Variants in MORC3 observed in about 807,000 individuals in gnomAD.
MORC3 encodes MORC family CW-type zinc finger protein 3.
MORC3 carries 31 observed loss-of-function variants against 109.1 expected under a neutral mutation model. The ratio of observed to expected loss-of-function variants is 0.28; its 90% confidence interval spans 0.21 to 0.38. The LOEUF (loss-of-function observed/expected upper bound fraction) is 0.38. Among genes scored for constraint, MORC3 ranks in the 10% least tolerant of loss-of-function variants. MORC3 has a pLI of 1.00. For missense variants in MORC3, 867 were observed against 1,135.8 expected (o/e 0.76, Z 3.40); for synonymous variants, 395 against 380.7 (o/e 1.04, Z -0.44).
intron 5 of MORC3, 34 bp downstream of exon 5, chr21:36,338,955 A>G (rs1304417196): frequency 6.2e-7 from 1 of 1,606,924 alleles, no homozygotes; most frequent in South Asian, 1.1e-5. Flanking sequence ...CCGTTTGGGA[A>G]GTAAAGTGCA....
intron 12 of MORC3, among the ~76,000 whole-genome samples, chr21:36,360,479 G>A (rs1348521778): frequency 6.6e-6 from 1 of 152,204 alleles, no homozygotes; most frequent in Non-Finnish European, 1.5e-5. Context: ...GATGTTTTGT[G>A]TAAGAGCAGT....
chr21:36,374,856 G>C (rs1170061405), intron 16 of MORC3, among the ~76,000 whole-genome samples: 3 of 152,096 alleles, frequency 2.0e-5, no homozygotes, highest in Non-Finnish European at 4.4e-5. Flanking sequence ...GTTTTTAGTA[G>C]AGTCAGGGTT....
chr21:36,351,042 AC>A (rs2085564738), intron 9 of MORC3, among the ~76,000 whole-genome samples: 1 of 147,240 alleles, frequency 6.8e-6, no homozygotes, highest in Admixed American at 6.8e-5. Context: ...GTTATTGTTA[AC>A]TACGGTTGTC....
intron 8 of MORC3, among the ~76,000 whole-genome samples, 161 bp from the exon 9 acceptor site, chr21:36,349,150 T>A (rs920537128): frequency 1.3e-5 from 2 of 151,710 alleles, no homozygotes; most frequent in African/African-American, 4.8e-5. Flanking sequence ...CAAATGAGAC[T>A]CTGTCTCAAA....
intron 2 of MORC3, among the ~76,000 whole-genome samples, chr21:36,333,932 G>A (rs932119528): frequency 1.3e-5 from 2 of 151,750 alleles, no homozygotes; most frequent in Non-Finnish European, 2.9e-5. Context: ...ACAGGCACCT[G>A]CCACCACGAC....
At position 36,369,396 on chromosome 21, in the gene MORC3, A is replaced by G. The variant is rs1254173475; in HGVS notation, c.2028A>G (p.Ala676=). ...TGCCCTCCTGTGTAGAAGCTGAAGC[A>G]AAGATACATGAAACCCAGGAAACCA... The part of the protein sequence containing the change: ...VILPSCVEAE[A]KIHETQETTD... Residue 676 remains alanine, a synonymous_variant, in exon 15 of 17, where the codon GCA becomes GCG. Transcript: ENST00000400485. The G allele has an allele frequency of 3.7e-6, 6 of 1,614,116 alleles. No individual in the cohort carries two copies. In the African/African-American group the frequency reaches 8.0e-5, roughly 22 times the overall value.
At chr21:36,371,127 C>T (rs1227226341) in intron 15 of MORC3, among the ~76,000 whole-genome samples, 1 of 152,116 alleles carries the variant, frequency 6.6e-6, no homozygotes, top group Non-Finnish European at 1.5e-5. Context: ...TTCATATGCC[C>T]CTACTTCAAA....
In MORC3 at chr21:36,355,577, T is replaced by G. The variant is rs577775589; in HGVS notation, c.1104-1043T>G. ...TCCGTTCTTGGACTTAAATCCTGGT[T>G]TATGCTCCTCTTTTTTGCTAATAAG... is the stretch of plus-strand genomic sequence containing the variant. On this transcript the variant is annotated intron_variant, in intron 9 of 16. Transcript: ENST00000400485. Among the ~76,000 whole-genome samples the G allele has an allele frequency of 5.5e-4, 84 of 152,168 alleles. 1 individual carries two copies. The highest frequency in any genetic ancestry group is 1.1e-3 in the Non-Finnish European group (73 of 68,038).
At chr21:36,324,106 C>T (rs1408695195) in intron 1 of MORC3, among the ~76,000 whole-genome samples, 1 of 152,102 alleles carries the variant, frequency 6.6e-6, no homozygotes, top group Non-Finnish European at 1.5e-5. Context: ...AACTTCCGAC[C>T]TCAGGTAATC....
intron 5 of MORC3, among the ~76,000 whole-genome samples, chr21:36,340,706 G>A (rs903085564): frequency 4.2e-5 from 6 of 141,636 alleles, no homozygotes; most frequent in Admixed American, 1.6e-4. Flanking sequence ...GCGCCATCTC[G>A]GCTCACTGCA....
At chr21:36,358,702 T>A (rs902221206) in intron 10 of MORC3, among the ~76,000 whole-genome samples, 32 of 152,146 alleles carry the variant, frequency 2.1e-4, no homozygotes, top group Admixed American at 1.9e-3. Flanking sequence ...GTTTTTGAGG[T>A]AGAGGCTTGC....
rs369423343 is a variant in MORC3, at chr21:36,369,671, A to G, written c.2303A>G (p.His768Arg). Reference sequence around the variant, plus strand: ...AATGGCAAATCTGAAAGTCCAGACCATATGGTATCTCAGTATCAGCAAGCT... The same window carrying G: ...AATGGCAAATCTGAAAGTCCAGACCGTATGGTATCTCAGTATCAGCAAGCT... ...SINGKSESPD[H>R]MVSQYQQALE... Residue 768 changes from histidine to arginine, a missense_variant, in exon 15 of 17, where the codon CAT becomes CGT. This residue lies in a region of MORC3 where 486 missense variants were observed against 502.1 expected (regional missense o/e 0.97). Coordinates refer to ENST00000400485, the MANE Select transcript of MORC3 (RefSeq NM_015358.3). The G allele has an allele frequency of 1.7e-5, 28 of 1,614,246 alleles. No individual in the cohort carries two copies. The highest frequency in any genetic ancestry group is 2.2e-5 in the East Asian group (1 of 44,888).
Position 36,333,772 on chromosome 21 carries a change from TTTTTTTGTTTTGTTTTG to T in MORC3, c.112+61_112+77del, listed in dbSNP as rs1330419132. The T allele has an allele frequency of 4.5e-4, 625 of 1,400,922 alleles. 3 individuals carry two copies. The African/African-American group carries it at 8.0e-3, about 18-fold the overall frequency. The allele number at this position is 1,400,922 out of a possible 1,614,324, so 86.8% of individuals were successfully genotyped here. A position where few individuals can be genotyped will look rare whatever the true frequency, so the allele number is the denominator to read the frequency against. ...TTGTTGCTTACAATTGTAGTGTTTT[TTTTTTTGTTTTGTTTTG>T]TTTTTTTTTTTTAAACAGAGTCTCT... On this transcript the variant is annotated intron_variant, in intron 2 of 16. Coordinates refer to ENST00000400485, the MANE Select transcript of MORC3 (RefSeq NM_015358.3).
chr21:36,347,576 A>T (rs1292906928), intron 8 of MORC3, among the ~76,000 whole-genome samples: 1 of 152,222 alleles, frequency 6.6e-6, no homozygotes, highest in Non-Finnish European at 1.5e-5. Context: ...TCAGATACCC[A>T]TTGTGATTTG....
At chr21:36,373,378 C>T (rs2076522490) in intron 16 of MORC3, among the ~76,000 whole-genome samples, 1 of 151,848 alleles carries the variant, frequency 6.6e-6, no homozygotes, top group Non-Finnish European at 1.5e-5. Flanking sequence ...AATCCCAGCA[C>T]TTTGGGAGGC....
chr21:36,355,210 G>A (rs899221619), intron 9 of MORC3, among the ~76,000 whole-genome samples: 1 of 152,116 alleles, frequency 6.6e-6, no homozygotes, highest in African/African-American at 2.4e-5. Context: ...TTATCTAGAG[G>A]CTGAATTAGA....
In MORC3 at chr21:36,369,349, G is replaced by A. The variant is rs770659896; in HGVS notation, c.1981G>A (p.Val661Ile). ...KEETVEDEID[V>I]RNDAVILPSC... ...AGAAACTGTTGAAGACGAGATAGAC[G>A]TAAGAAATGATGCAGTGATTCTGCC... is the stretch of plus-strand genomic sequence containing the variant. Residue 661 changes from valine to isoleucine, a missense_variant, in exon 15 of 17, where the codon GTA becomes ATA. Val to Ile is a conservative substitution (Grantham distance 29). This residue lies in a region of MORC3 where 486 missense variants were observed against 502.1 expected (regional missense o/e 0.97). Coordinates refer to ENST00000400485, the MANE Select transcript of MORC3 (RefSeq NM_015358.3). 8.7e-6 allele frequency: 14 copies of A among 1,614,152 alleles called. No homozygotes were observed. Among genetic ancestry groups the A allele is most frequent in the South Asian group, 1.1e-5 (1 of 91,072 alleles).
Position 36,369,682 on chromosome 21 carries a change from C to A in MORC3, c.2314C>A (p.Gln772Lys). ...TGAAAGTCCAGACCATATGGTATCT[C>A]AGTATCAGCAAGCTTTGGAAGAAAT... Reference protein sequence around the residue: ...KSESPDHMVSQYQQALEEIER... With the variant: ...KSESPDHMVSKYQQALEEIER... The change falls in exon 15 of 17, where the codon CAG becomes AAG. Residue 772 changes from glutamine (Q) to lysine (K), a missense_variant. Gln to Lys is a moderately conservative substitution (Grantham distance 53, BLOSUM62 1). Transcript: ENST00000400485. The A allele has an allele frequency of 6.2e-7, 1 of 1,614,158 alleles. No individual in the cohort carries two copies. Among genetic ancestry groups the A allele is most frequent in the South Asian group, 1.1e-5 (1 of 91,068 alleles).
chr21:36,327,022 C>T (rs1483369939), intron 1 of MORC3, among the ~76,000 whole-genome samples: 1 of 151,762 alleles, frequency 6.6e-6, no homozygotes, highest in African/African-American at 2.4e-5. Context: ...GCCATGTTGC[C>T]CAGGCTGGTC....
Sources: gnomAD v4.1 joint callset for allele counts (sites outside exome capture counted in the v4.1 genomes callset) on GRCh38, gnomAD v4.1.1 for gene constraint, gnomAD v4.1.1 regional missense constraint, MANE v1.5 for transcripts, NCBI Gene and HGNC (gene_info 2026-07-23, HGNC 2026-07-21) for gene names.